The following CHD2 variants were observed in gnomAD, a reference collection of about 807,000 sequenced individuals.
CHD2 encodes ATP-dependent chromatin remodeler CHD2.
In CHD2, 28 loss-of-function variants were observed where a neutral mutation model predicts 243.9. That is an observed-to-expected ratio of 0.11 (90% CI 0.09 to 0.16). The LOEUF (loss-of-function observed/expected upper bound fraction) is 0.16. Ranked by LOEUF, CHD2 falls within the 10% of genes least tolerant of loss-of-function variation. CHD2 has a pLI of 1.00. For synonymous variants in CHD2, 775 were observed against 779.0 expected (o/e 0.99, Z 0.09); for missense variants, 1,386 against 2,209.8 (o/e 0.63, Z 7.47).
intron 25 of CHD2, 32 bp downstream of exon 25, chr15:92,984,532 TTTC>T (rs2054016306): frequency 6.3e-7 from 1 of 1,578,746 alleles, no homozygotes; most frequent in African/African-American, 1.4e-5. Flanking sequence ...TATGAAATTA[TTTC>T]TTATGTTGTG....
chr15:92,903,085 T>C lies in CHD2; in HGVS notation c.62+1786T>C, dbSNP rs117921131. ...TATACCTGATGGATGTCCAAAAATA[T>C]TTAAGACTCTTTGAAAAGAAGATAG... On this transcript the variant is annotated intron_variant, in intron 2 of 38. Transcript: ENST00000394196. 1.6e-3 allele frequency among the ~76,000 whole-genome samples: 250 copies of C among 152,324 alleles called. 8 individuals are homozygous for C. In the East Asian group the frequency reaches 0.037, roughly 22 times the overall value.
intron 19 of CHD2, among the ~76,000 whole-genome samples, chr15:92,974,549 C>A (rs542025347): frequency 6.6e-6 from 1 of 152,118 alleles, no homozygotes. Context: ...TCTGCAGTAC[C>A]TACAGAAACA....
chr15:92,923,342 C>T, intron 2 of CHD2, among the ~76,000 whole-genome samples: 1 of 152,164 alleles, frequency 6.6e-6, no homozygotes, highest in South Asian at 2.1e-4. Context: ...CTCACTGCAT[C>T]CTCGACTTCC....
At chr15:92,945,943 C>T (rs888743312) in intron 11 of CHD2, 78 bp downstream of exon 11, 56 of 1,455,436 alleles carry the variant, frequency 3.8e-5, no homozygotes, top group South Asian at 2.1e-4. Context: ...TTTGTTTTGC[C>T]ACATGATGTT....
At chr15:92,917,109 TG>T (rs1162092586) in intron 2 of CHD2, among the ~76,000 whole-genome samples, 5 of 152,250 alleles carry the variant, frequency 3.3e-5, no homozygotes, top group African/African-American at 1.2e-4. Context: ...CTATATACTT[TG>T]TTATGTGTAC....
chr15:93,020,575 G>C (rs748942722), intron 38 of CHD2: 1 of 534,776 alleles, frequency 1.9e-6, no homozygotes, highest in Non-Finnish European at 3.3e-6. Flanking sequence ...AGCCACACTA[G>C]GTATCAGGGA....
intron 28 of CHD2, among the ~76,000 whole-genome samples, chr15:92,995,333 C>T (rs2054173426): frequency 6.6e-6 from 1 of 152,150 alleles, no homozygotes; most frequent in African/African-American, 2.4e-5. Context: ...AAAACATTTA[C>T]ATGGTTCAAA....
intron 2 of CHD2, among the ~76,000 whole-genome samples, chr15:92,911,538 G>C (rs1233085711): frequency 6.6e-6 from 1 of 152,174 alleles, no homozygotes; most frequent in Non-Finnish European, 1.5e-5. Flanking sequence ...AGGAGTTCGA[G>C]ACCAGCCTGG....
intron 28 of CHD2, among the ~76,000 whole-genome samples, chr15:92,993,959 G>A (rs74428373): frequency 1.3e-5 from 2 of 152,120 alleles, no homozygotes; most frequent in African/African-American, 4.8e-5. Flanking sequence ...GTGACAGAGC[G>A]AAACCCTGTC....
intron 28 of CHD2, among the ~76,000 whole-genome samples, chr15:92,996,255 G>A (rs2054186471): frequency 3.3e-5 from 5 of 150,596 alleles, no homozygotes; most frequent in Admixed American, 3.3e-4. Flanking sequence ...TGCCTCCTGG[G>A]TTCACACCAT....
chr15:93,023,485 C>T (rs899619482), intron 38 of CHD2, among the ~76,000 whole-genome samples: 5 of 152,162 alleles, frequency 3.3e-5, no homozygotes, highest in Non-Finnish European at 7.3e-5. Flanking sequence ...GATTGGTGTA[C>T]AGGTACTTGA....
chr15:92,971,625 A>G (rs564581503), intron 17 of CHD2, 140 bp from the exon 18 acceptor site: 38 of 556,616 alleles, frequency 6.8e-5, no homozygotes, highest in Admixed American at 1.5e-4. Flanking sequence ...GAGATACAAA[A>G]GAAAATATTC....
intron 18 of CHD2, 61 bp downstream of exon 18, chr15:92,971,988 C>A: frequency 6.7e-7 from 1 of 1,501,046 alleles, no homozygotes; most frequent in Non-Finnish European, 9.0e-7. Flanking sequence ...AGGTGCTTTT[C>A]ATCAGAATGC....
intron 13 of CHD2, among the ~76,000 whole-genome samples, chr15:92,950,626 C>T (rs1354115608): frequency 6.6e-6 from 1 of 151,946 alleles, no homozygotes; most frequent in Non-Finnish European, 1.5e-5. Flanking sequence ...TGGTGGCATG[C>T]TTATGTAGTC....
intron 26 of CHD2, among the ~76,000 whole-genome samples, chr15:92,987,170 C>T (rs1056227866): frequency 2.6e-5 from 4 of 152,054 alleles, no homozygotes; most frequent in African/African-American, 4.8e-5. Context: ...TTTTTATAAT[C>T]GATAGGTCTT....
chr15:92,906,547 T>C (rs2052624355), intron 2 of CHD2, among the ~76,000 whole-genome samples: 1 of 152,176 alleles, frequency 6.6e-6, no homozygotes, highest in Non-Finnish European at 1.5e-5. Context: ...GACCACCTGG[T>C]ATTTCCAAAC....
intron 16 of CHD2, among the ~76,000 whole-genome samples, chr15:92,957,869 T>G (rs911281192): frequency 6.6e-6 from 1 of 152,160 alleles, no homozygotes; most frequent in African/African-American, 2.4e-5. Context: ...AGCTTTTGTC[T>G]CTAGAGATTT....
rs576881790 is a variant in CHD2 at position 92,960,342 on chromosome 15, T to C, written c.2000+3693T>C. Reference sequence around the variant, plus strand: ...ATGCTTTTTATTTCTTCTTCTTGCCTTATTGTATTGGCAGGAACCTCCATC... The same window carrying C: ...ATGCTTTTTATTTCTTCTTCTTGCCCTATTGTATTGGCAGGAACCTCCATC... On this transcript the variant is annotated intron_variant, in intron 16 of 38. Coordinates refer to ENST00000394196, the MANE Select transcript of CHD2 (RefSeq NM_001271.4). Among the ~76,000 whole-genome samples, 31 of 152,308 alleles carry C rather than the reference T, an allele frequency of 2.0e-4. 1 individual carries two copies. The highest frequency in any genetic ancestry group is 7.5e-4 in the African/African-American group (31 of 41,584).
At chr15:93,018,810 A>G (rs1186376201) in intron 37 of CHD2, among the ~76,000 whole-genome samples, 1 of 151,888 alleles carries the variant, frequency 6.6e-6, no homozygotes, top group Non-Finnish European at 1.5e-5. Context: ...CTCTGCCTTT[A>G]TTTTGAAAGG....
Sources: allele counts gnomAD v4.1 joint callset (sites outside exome capture counted in the v4.1 genomes callset), GRCh38; gene constraint gnomAD v4.1.1; transcripts MANE v1.5; gene names NCBI Gene and HGNC (gene_info 2026-07-23, HGNC 2026-07-21).